PCDHA9: variants seen among roughly 807,000 people sequenced by gnomAD.
The protein encoded by PCDHA9 is protocadherin alpha 9.
PCDHA9 carries 62 observed loss-of-function variants against 62.0 expected under a neutral mutation model. That is an observed-to-expected ratio of 1.00 (90% CI 0.81 to 1.23). The LOEUF is 1.23. Ranked by LOEUF, PCDHA9 falls within the 50% of genes most tolerant of loss-of-function variation. The pLI is 0.00. For missense variants in PCDHA9, 1,205 were observed against 1,249.8 expected, an observed-to-expected ratio of 0.96 and a Z score of 0.54; for synonymous variants, 557 against 567.6, an observed-to-expected ratio of 0.98 and a Z score of 0.27.
At chr5:140,998,196 C>T (rs960565673) in intron 3 of PCDHA9, among the ~76,000 whole-genome samples, 2 of 152,164 alleles carry the variant, frequency 1.3e-5, no homozygotes, top group African/African-American at 4.8e-5. Flanking sequence ...CAAGTATTAA[C>T]TCCTTTAATC....
chr5:140,982,705 T>A, intron 3 of PCDHA9, 142 bp downstream of exon 3: 1 of 1,376,850 alleles, frequency 7.3e-7, no homozygotes, highest in Non-Finnish European at 9.5e-7. Flanking sequence ...CATGATTTCC[T>A]TACATATATG....
chr5:140,901,549 A>T (rs1554189886), intron 1 of PCDHA9, among the ~76,000 whole-genome samples: 1 of 152,052 alleles, frequency 6.6e-6, no homozygotes, highest in Non-Finnish European at 1.5e-5. Context: ...ATTCTGTTCC[A>T]TTCATCTATG....
intron 1 of PCDHA9, chr5:140,968,997 G>A (rs1459602291): frequency 6.2e-7 from 1 of 1,614,092 alleles, no homozygotes; most frequent in African/African-American, 1.3e-5. Flanking sequence ...TGCTGTGGAG[G>A]CTTCTGTGGA....
intron 1 of PCDHA9, among the ~76,000 whole-genome samples, chr5:140,910,150 T>G (rs555048323): frequency 6.6e-6 from 1 of 152,354 alleles, no homozygotes; most frequent in South Asian, 2.1e-4. Flanking sequence ...GGAAATTGAT[T>G]GAGGGGAAAT....
At position 140,911,726 on chromosome 5, in the gene PCDHA9, G is replaced by GTTCGTGCCAAGGAC. The variant is rs372287116; in HGVS notation, c.2394+60839_2394+60852dup. On this transcript the variant is annotated intron_variant, in intron 1 of 3. Transcript: ENST00000532602. ...TTTATTTTGTGTAACTCTGTAAACAGTTCGTGCCAAGGACTATCAGTGTTC... is the reference window on the plus strand; with the variant it reads ...TTTATTTTGTGTAACTCTGTAAACAGTTCGTGCCAAGGACTTCGTGCCAAGGACTATCAGTGTTC... Among the ~76,000 whole-genome samples, 876 of 152,272 alleles carry GTTCGTGCCAAGGAC rather than the reference G, an allele frequency of 5.8e-3. 6 individuals are homozygous for GTTCGTGCCAAGGAC. The highest frequency in any genetic ancestry group is 0.018 in the African/African-American group (761 of 41,552).
intron 1 of PCDHA9, among the ~76,000 whole-genome samples, chr5:140,926,202 G>T (rs1194252332): frequency 6.6e-6 from 1 of 151,658 alleles, no homozygotes; most frequent in East Asian, 1.9e-4. Flanking sequence ...TTCTTTCGGG[G>T]GGCTCCTGTT....
chr5:140,851,230 A>G (rs1327220273), intron 1 of PCDHA9: 1 of 1,136,468 alleles, frequency 8.8e-7, no homozygotes, highest in Non-Finnish European at 1.1e-6. Flanking sequence ...ACTATCATTT[A>G]TTTATTGCTA....
intron 1 of PCDHA9, among the ~76,000 whole-genome samples, chr5:140,895,617 G>T (rs782388218): frequency 6.6e-6 from 1 of 152,084 alleles, no homozygotes; most frequent in Non-Finnish European, 1.5e-5. Context: ...CTCATTGAGG[G>T]TGTTGTCTTT....
At chr5:140,905,878 C>T (rs1187937436) in intron 1 of PCDHA9, among the ~76,000 whole-genome samples, 2 of 152,054 alleles carry the variant, frequency 1.3e-5, no homozygotes, top group African/African-American at 2.4e-5. Flanking sequence ...CAAGGCCCAA[C>T]AATAGGCCAT....
chr5:140,884,123 C>A (rs1360744073), intron 1 of PCDHA9: 4 of 1,613,232 alleles, frequency 2.5e-6, no homozygotes, highest in Non-Finnish European at 3.4e-6. Context: ...GGTCGGCGCG[C>A]GCATCCCGTT....
chr5:140,876,954 G>T (rs1554169149), intron 1 of PCDHA9: 1 of 1,613,432 alleles, frequency 6.2e-7, no homozygotes, highest in Non-Finnish European at 8.5e-7. Context: ...CCTACTCGCT[G>T]GTGGAGCGGC....
At chr5:140,959,414 C>T (rs1408668310) in intron 1 of PCDHA9, among the ~76,000 whole-genome samples, 3 of 151,996 alleles carry the variant, frequency 2.0e-5, no homozygotes, top group African/African-American at 7.2e-5. Context: ...GTTGATTGAT[C>T]TGAGAATTTG....
At chr5:140,968,818 T>C in intron 1 of PCDHA9, 1 of 1,614,188 alleles carries the variant, frequency 6.2e-7, no homozygotes, top group South Asian at 1.1e-5. Flanking sequence ...TGGATAGGGT[T>C]TCCAAAATCC....
intron 1 of PCDHA9, among the ~76,000 whole-genome samples, chr5:140,965,537 A>T (rs528440377): frequency 1.3e-5 from 2 of 152,204 alleles, no homozygotes; most frequent in East Asian, 3.9e-4. Context: ...ATGGAATCCA[A>T]ATTCCAGCCT....
chr5:140,872,354 A>G (rs2053612951), intron 1 of PCDHA9, among the ~76,000 whole-genome samples: 1 of 152,138 alleles, frequency 6.6e-6, no homozygotes, highest in Non-Finnish European at 1.5e-5. Context: ...TTGCCAGGCA[A>G]AGTGGTTCAG....
chr5:140,960,612 G>C (rs1467595478), intron 1 of PCDHA9, among the ~76,000 whole-genome samples: 1 of 152,110 alleles, frequency 6.6e-6, no homozygotes, highest in Non-Finnish European at 1.5e-5. Context: ...ACAATATCTA[G>C]TGTGTTTTTG....
intron 1 of PCDHA9, chr5:140,969,368 G>A: frequency 6.2e-7 from 1 of 1,608,874 alleles, no homozygotes; most frequent in Non-Finnish European, 8.5e-7. Flanking sequence ...ACAAACTCAT[G>A]CATTTGTTAC....
chr5:140,858,852 T>A lies in PCDHA9; in HGVS notation c.2394+7963T>A, dbSNP rs1327075015. The A allele has an allele frequency of 2.5e-5, 7 of 281,540 alleles. 1 individual carries two copies. The highest frequency in any genetic ancestry group is 4.7e-5 in the Non-Finnish European group (7 of 148,550). The allele number at this position is 281,540 out of a possible 1,614,324, so 17.4% of individuals were successfully genotyped here. On this transcript the variant is annotated intron_variant, in intron 1 of 3. Coordinates refer to ENST00000532602, the MANE Select transcript of PCDHA9 (RefSeq NM_031857.2). ...TACCAAAAAATTCCACTGATCTATA[T>A]CTCTTCAGTGAAAATGTGTTTTCCT... is the stretch of plus-strand genomic sequence containing the variant.
chr5:140,967,555 C>T, intron 1 of PCDHA9: 4 of 1,614,008 alleles, frequency 2.5e-6, no homozygotes, highest in Non-Finnish European at 3.4e-6. Flanking sequence ...CCACTTATCG[C>T]GTCCAGCTAC....
Sources: allele counts gnomAD v4.1 joint callset (sites outside exome capture counted in the v4.1 genomes callset), GRCh38; gene constraint gnomAD v4.1.1; transcripts MANE v1.5; gene names NCBI Gene and HGNC (gene_info 2026-07-23, HGNC 2026-07-21).